The following SSBP2 variants were observed in gnomAD, a reference collection of about 807,000 sequenced individuals.
SSBP2 encodes the protein single-stranded DNA-binding protein 2.
SSBP2 carries 17 observed loss-of-function variants against 61.8 expected under a neutral mutation model. The ratio of observed to expected loss-of-function variants is 0.28; its 90% CI spans 0.19 to 0.41. The LOEUF (loss-of-function observed/expected upper bound fraction) is 0.41. Ranked by LOEUF, SSBP2 falls within the 10% of genes least tolerant of loss-of-function variation. The pLI is 1.00. For missense variants in SSBP2, 310 were observed against 458.7 expected, an observed-to-expected ratio of 0.68 and a Z score of 2.96; for synonymous variants, 139 against 141.3, an observed-to-expected ratio of 0.98 and a Z score of 0.12.
At chr5:81,668,730 A>T (rs180706650) in intron 1 of SSBP2, among the ~76,000 whole-genome samples, 1 of 152,204 alleles carries the variant, frequency 6.6e-6, no homozygotes, top group African/African-American at 2.4e-5. Context: ...TTACAAAAAA[A>T]TTTTGGAATA....
At chr5:81,699,073 T>C (rs1753783277) in intron 1 of SSBP2, among the ~76,000 whole-genome samples, 1 of 152,256 alleles carries the variant, frequency 6.6e-6, no homozygotes, top group Admixed American at 6.5e-5. Flanking sequence ...GACTGTATTC[T>C]GTGTGCAATA....
intron 4 of SSBP2, among the ~76,000 whole-genome samples, chr5:81,569,118 T>A (rs1301473336): frequency 2.0e-5 from 3 of 152,238 alleles, no homozygotes; most frequent in African/African-American, 7.2e-5. Context: ...GAAGTATCTT[T>A]AATCGTATCT....
intron 4 of SSBP2, among the ~76,000 whole-genome samples, chr5:81,593,253 A>G (rs560651497): frequency 3.3e-5 from 5 of 152,314 alleles, no homozygotes; most frequent in South Asian, 2.1e-4. Context: ...GATGGAAGAC[A>G]AAATGAATGA....
chr5:81,493,297 G>GAT (rs1554074695), intron 5 of SSBP2, among the ~76,000 whole-genome samples: 45 of 148,660 alleles, frequency 3.0e-4, no homozygotes, highest in African/African-American at 1.1e-3. Flanking sequence ...TAGATAGATA[G>GAT]ATAGATTAAC....
chr5:81,475,036 C>T (rs1038273475), intron 6 of SSBP2, among the ~76,000 whole-genome samples: 6 of 151,838 alleles, frequency 4.0e-5, no homozygotes, highest in East Asian at 1.9e-4. Flanking sequence ...AATTATTTAG[C>T]GAAATAACAC....
intron 1 of SSBP2, among the ~76,000 whole-genome samples, chr5:81,711,122 C>T (rs567475130): frequency 2.8e-4 from 42 of 152,060 alleles, no homozygotes; most frequent in Non-Finnish European, 5.2e-4. Context: ...GTATAAAAGC[C>T]TAAAGTAGGG....
intron 15 of SSBP2, among the ~76,000 whole-genome samples, chr5:81,435,682 T>C (rs1762631115): frequency 1.3e-5 from 2 of 152,250 alleles, no homozygotes; most frequent in South Asian, 2.1e-4. Flanking sequence ...TATAAAGTAC[T>C]TTCCCATACA....
chr5:81,588,822 G>C (rs1281202275), intron 4 of SSBP2, among the ~76,000 whole-genome samples: 2 of 152,194 alleles, frequency 1.3e-5, no homozygotes, highest in Non-Finnish European at 2.9e-5. Flanking sequence ...CCAGCACTTT[G>C]GGAGGCTGAG....
At chr5:81,696,752 A>AG (rs1022436501) in intron 1 of SSBP2, among the ~76,000 whole-genome samples, 4 of 152,174 alleles carry the variant, frequency 2.6e-5, no homozygotes, top group African/African-American at 4.8e-5. Context: ...GGGTGGGCAG[A>AG]GGGGGGCAGC....
intron 2 of SSBP2, among the ~76,000 whole-genome samples, chr5:81,643,595 C>CTTTTTTTTTTTTTTT (rs368511957): frequency 1.7e-5 from 1 of 60,272 alleles, no homozygotes; most frequent in Non-Finnish European, 3.0e-5. Flanking sequence ...TTTTTCCTTT[C>CTTTTTTTTTTTTTTT]TTTTTTTTTT....
intron 1 of SSBP2, among the ~76,000 whole-genome samples, chr5:81,731,011 A>G (rs1291618596): frequency 6.6e-6 from 1 of 152,232 alleles, no homozygotes. Flanking sequence ...ATTGTTGTGA[A>G]ACAGATCTCC....
At position 81,680,096 on chromosome 5, in the gene SSBP2, C is replaced by A. The variant is rs531958217; in HGVS notation, c.63-29757G>T. Reference sequence around the variant, plus strand: ...CCCAACACCTGGCCCTGCCACCCCACCCTGTTCTTGGGCCTTTAGACTCAA... The same window carrying A: ...CCCAACACCTGGCCCTGCCACCCCAACCTGTTCTTGGGCCTTTAGACTCAA... On this transcript the variant is annotated intron_variant, in intron 1 of 16. Transcript: ENST00000320672. Among the ~76,000 whole-genome samples, 6 of 151,974 alleles carry A rather than the reference C, an allele frequency of 3.9e-5. No individual in the cohort carries two copies. The East Asian group carries it at 9.7e-4, about 25-fold the overall frequency.
chr5:81,679,598 G>A (rs1752237542), intron 1 of SSBP2, among the ~76,000 whole-genome samples: 1 of 152,106 alleles, frequency 6.6e-6, no homozygotes, highest in Non-Finnish European at 1.5e-5. Flanking sequence ...AAGCATAATT[G>A]ATATGCTAAA....
At chr5:81,750,430 G>T (rs1368445449) in intron 1 of SSBP2, among the ~76,000 whole-genome samples, 2 of 143,530 alleles carry the variant, frequency 1.4e-5, no homozygotes, top group East Asian at 2.0e-4. Flanking sequence ...CCGCGCGCCC[G>T]GCACCGCCGC....
chr5:81,425,723 TAAA>T (rs921324797), intron 16 of SSBP2, among the ~76,000 whole-genome samples: 1 of 144,970 alleles, frequency 6.9e-6, no homozygotes, highest in African/African-American at 2.5e-5. Flanking sequence ...GTTGTGATCT[TAAA>T]AAAAAAAAAC....
chr5:81,639,053 C>A (rs987793331), intron 2 of SSBP2, among the ~76,000 whole-genome samples: 2 of 152,046 alleles, frequency 1.3e-5, no homozygotes, highest in East Asian at 1.9e-4. Context: ...GCACAAAAAA[C>A]CACCATTATT....
intron 1 of SSBP2, among the ~76,000 whole-genome samples, chr5:81,653,610 T>C (rs1749949955): frequency 6.6e-6 from 1 of 152,182 alleles, no homozygotes. Context: ...CCAGCATCTG[T>C]TGTTTCCTGT....
intron 1 of SSBP2, among the ~76,000 whole-genome samples, chr5:81,708,290 T>C (rs370157032): frequency 5.8e-4 from 88 of 152,292 alleles, no homozygotes; most frequent in African/African-American, 2.0e-3. Context: ...GAAAGAGTTA[T>C]GCATATAGTA....
At chr5:81,678,962 A>G (rs1039204269) in intron 1 of SSBP2, among the ~76,000 whole-genome samples, 1 of 152,204 alleles carries the variant, frequency 6.6e-6, no homozygotes, top group Non-Finnish European at 1.5e-5. Flanking sequence ...ATTTTTAAAA[A>G]AGGAAGAGCA....
Sources: gnomAD v4.1 joint callset for allele counts (sites outside exome capture counted in the v4.1 genomes callset) on GRCh38, gnomAD v4.1.1 for gene constraint, MANE v1.5 for transcripts, NCBI Gene and HGNC (gene_info 2026-07-23, HGNC 2026-07-21) for gene names.